SYCP3: variants seen among roughly 807,000 people sequenced by gnomAD.
The protein encoded by SYCP3 is synaptonemal complex protein 3.
In SYCP3, 29 loss-of-function variants were observed where a neutral mutation model predicts 38.5. That is an observed-to-expected ratio of 0.75 (90% CI 0.56 to 1.03). The LOEUF is 1.03. SYCP3 is among the 50% of genes least tolerant of loss of function. SYCP3 has a pLI of 0.00. For missense variants in SYCP3, 242 were observed against 270.7 expected (o/e 0.89, Z 0.74); for synonymous variants, 79 against 80.3 (o/e 0.98, Z 0.08).
At chr12:101,735,852 T>TAC (rs1491127407) in intron 4 of SYCP3, among the ~76,000 whole-genome samples, 3 of 88,790 alleles carry the variant, frequency 3.4e-5, no homozygotes, top group Non-Finnish European at 6.6e-5. Flanking sequence ...TAATCAATTT[T>TAC]ATATATATAT....
chr12:101,730,861 A>T (rs75021879), intron 7 of SYCP3, among the ~76,000 whole-genome samples: 3,514 of 152,236 alleles, frequency 0.023, 88 homozygotes, highest in East Asian at 0.061. Context: ...CAATTCCTTT[A>T]ATGTTATTTT....
chr12:101,733,647 C>A lies in SYCP3; in HGVS notation c.381G>T (p.Gln127His), dbSNP rs866284996. 1 of 1,611,686 alleles carries A rather than the reference C, an allele frequency of 6.2e-7. No individual in the cohort carries two copies. Among genetic ancestry groups the A allele is most frequent in the Admixed American group, 1.7e-5 (1 of 60,016 alleles). ...QRQKLNQEYS[Q>H]QFLTLFQQWD... ...ACTGCTGAAACAAAGTCAGAAACTG[C>A]TGAGAATATTCTTGGTTAAGCTTCT... Residue 127 changes from glutamine to histidine, a missense_variant, in exon 6 of 9, where the codon CAG (glutamine) becomes CAT (histidine). Coordinates refer to ENST00000392924, the MANE Select transcript of SYCP3 (RefSeq NM_001177949.2).
intron 5 of SYCP3, among the ~76,000 whole-genome samples, chr12:101,734,102 A>G (rs369747547): frequency 2.6e-5 from 4 of 152,364 alleles, no homozygotes; most frequent in East Asian, 3.9e-4. Context: ...TGGCTTAACA[A>G]AAGATTTTAT....
intron 7 of SYCP3, among the ~76,000 whole-genome samples, chr12:101,729,990 T>G (rs1594160403): frequency 6.6e-6 from 1 of 152,180 alleles, no homozygotes. Flanking sequence ...GGTGGGGTAA[T>G]GAACAAATGT....
chr12:101,731,743 T>C, intron 6 of SYCP3, 77 bp from the exon 7 acceptor site: 4 of 1,035,276 alleles, frequency 3.9e-6, no homozygotes, highest in Non-Finnish European at 5.5e-6. Flanking sequence ...TAATTCTACA[T>C]TAAACTTAAA....
intron 6 of SYCP3, chr12:101,732,047 A>G (rs563849343): frequency 9.7e-6 from 2 of 205,834 alleles, no homozygotes; most frequent in African/African-American, 2.4e-5. Flanking sequence ...GTCATTACTA[A>G]TAATTCTAAC....
chr12:101,729,582 G>A, intron 7 of SYCP3: 1 of 183,762 alleles, frequency 5.4e-6, no homozygotes, highest in Non-Finnish European at 1.1e-5. Flanking sequence ...TTCACTAGAG[G>A]GAATAAAATA....
rs1264989832 is a variant in SYCP3 at position 101,734,851 on chromosome 12, A to G, written c.353+76T>C. 2.7e-5 allele frequency: 28 copies of G among 1,035,970 alleles called. 1 individual carries two copies. In the Admixed American group the frequency reaches 4.8e-4, roughly 18 times the overall value. The allele number at this position is 1,035,970 out of a possible 1,614,324, so 64.2% of individuals were successfully genotyped here. On this transcript the variant is annotated intron_variant, in intron 5 of 8. Coordinates refer to ENST00000392924, the MANE Select transcript of SYCP3 (RefSeq NM_001177949.2). ...GCATGAGCCACCGTGCCGATCCTAG[A>G]ATAGTATTTTTCATAAGTAATTTAT... is the stretch of plus-strand genomic sequence containing the variant.
At chr12:101,729,555 T>TAATA (rs2137043510) in intron 7 of SYCP3, 1 of 214,844 alleles carries the variant, frequency 4.7e-6, no homozygotes, top group South Asian at 7.7e-5. Context: ...TACTTATGAC[T>TAATA]AATAGTGTGC....
rs1288841161 is a variant in SYCP3, at chr12:101,739,458, C to T, written c.-125G>A. The T allele has an allele frequency of 3.0e-6, 3 of 1,002,536 alleles. No homozygotes were observed. The highest frequency in any genetic ancestry group is 2.4e-6 in the Non-Finnish European group (2 of 830,330). 62.1% of individuals were successfully genotyped at this position (1,002,536 alleles called of 1,614,324 possible). ...CTGAGGTGGCCCCTTCTCCGCGACG[C>T]TTCTGAGGCAAGCTGGGATTCGCAC... is the stretch of plus-strand genomic sequence containing the variant. On this transcript the variant is annotated 5_prime_UTR_variant, in exon 1 of 9. Coordinates refer to ENST00000392924, the MANE Select transcript of SYCP3 (RefSeq NM_001177949.2).
chr12:101,730,639 G>T, intron 7 of SYCP3: 1 of 311,234 alleles, frequency 3.2e-6, no homozygotes, highest in Non-Finnish European at 6.2e-6. Flanking sequence ...GACTACAGGT[G>T]AGTGCCACCA....
intron 3 of SYCP3, 80 bp downstream of exon 3, chr12:101,737,152 G>T: frequency 1.2e-6 from 2 of 1,601,300 alleles, no homozygotes; most frequent in Non-Finnish European, 1.7e-6. Flanking sequence ...CAGATGCCAA[G>T]TATTTTACAT....
At chr12:101,738,891 C>T (rs1012652227) in intron 1 of SYCP3, among the ~76,000 whole-genome samples, 2 of 152,234 alleles carry the variant, frequency 1.3e-5, no homozygotes, top group African/African-American at 4.8e-5. Flanking sequence ...GGCGCTCAGT[C>T]ACGCGGGGAA....
At chr12:101,735,865 A>ATTTTTTT (rs1594177534) in intron 4 of SYCP3, among the ~76,000 whole-genome samples, 2 of 65,752 alleles carry the variant, frequency 3.0e-5, no homozygotes, top group East Asian at 1.8e-3. Context: ...ATATATATAT[A>ATTTTTTT]TATATATTTT....
intron 7 of SYCP3, among the ~76,000 whole-genome samples, chr12:101,730,303 G>T (rs539922772): frequency 6.6e-6 from 1 of 152,126 alleles, no homozygotes; most frequent in Non-Finnish European, 1.5e-5. Context: ...AAAGGAGATG[G>T]AAGAGTCAAA....
At chr12:101,730,401 C>A in intron 7 of SYCP3, 1 of 383,206 alleles carries the variant, frequency 2.6e-6, no homozygotes, top group Non-Finnish European at 5.0e-6. Context: ...CAAAACTTCA[C>A]ACCAACTACC....
chr12:101,735,222 G>GA (rs537093977), intron 4 of SYCP3, among the ~76,000 whole-genome samples, 178 bp from the exon 5 acceptor site: 1 of 151,666 alleles, frequency 6.6e-6, no homozygotes, highest in South Asian at 2.1e-4. Flanking sequence ...TTTTTTCTGA[G>GA]AAAACTCTCA....
chr12:101,737,706 C>T, intron 2 of SYCP3, 97 bp downstream of exon 2: 3 of 1,565,804 alleles, frequency 1.9e-6, no homozygotes, highest in East Asian at 2.2e-5. Context: ...AAGACCATAC[C>T]TGAAAATGCT....
intron 7 of SYCP3, chr12:101,729,440 C>T (rs1952086440): frequency 2.1e-6 from 1 of 469,214 alleles, no homozygotes; most frequent in Non-Finnish European, 3.7e-6. Flanking sequence ...TATACTTTGC[C>T]CACAATGGGT....
Sources: gnomAD v4.1 joint callset for allele counts (sites outside exome capture counted in the v4.1 genomes callset) on GRCh38, gnomAD v4.1.1 for gene constraint, MANE v1.5 for transcripts, NCBI Gene and HGNC (gene_info 2026-07-23, HGNC 2026-07-21) for gene names.